Variants in SGCZ observed in about 807,000 individuals in gnomAD.
SGCZ encodes zeta-sarcoglycan.
SGCZ carries 40 observed loss-of-function variants against 41.3 expected under a neutral mutation model. That is an observed-to-expected ratio of 0.97 (90% confidence interval 0.75 to 1.26). SGCZ has a LOEUF of 1.26. SGCZ is among the 50% of genes most tolerant of loss of function. SGCZ has a pLI of 0.00. For missense variants in SGCZ, 552 were observed against 369.8 expected (o/e 1.49, Z -4.04); for synonymous variants, 206 against 137.5 (o/e 1.50, Z -3.49).
chr8:15,118,608 G>T (rs766366944), intron 1 of SGCZ, among the ~76,000 whole-genome samples: 1 of 152,038 alleles, frequency 6.6e-6, no homozygotes, highest in Non-Finnish European at 1.5e-5. Flanking sequence ...TAGTTCAAAG[G>T]GTCTCTTTTC....
At chr8:15,117,119 C>T (rs1468773604) in intron 1 of SGCZ, among the ~76,000 whole-genome samples, 1 of 152,146 alleles carries the variant, frequency 6.6e-6, no homozygotes, top group Non-Finnish European at 1.5e-5. Flanking sequence ...TGCCTGTAAT[C>T]CCAGCATTTT....
intron 1 of SGCZ, among the ~76,000 whole-genome samples, chr8:14,753,024 T>A (rs528828576): frequency 2.0e-5 from 3 of 152,012 alleles, no homozygotes; most frequent in South Asian, 4.1e-4. Context: ...CTCTCCGTAC[T>A]GTAATTTTCA....
Position 14,745,993 on chromosome 8 carries a change from T to A in SGCZ, c.40-191067A>T, listed in dbSNP as rs547552216. On this transcript the variant is annotated intron_variant, in intron 1 of 7. Transcript: ENST00000382080. Reference sequence around the variant, plus strand: ...AGTTGTAAGTTACAGATAAGTGCAATAACAATTATTATTCTCTTGTTTTCT... The same window carrying A: ...AGTTGTAAGTTACAGATAAGTGCAAAAACAATTATTATTCTCTTGTTTTCT... Among the ~76,000 whole-genome samples, 7 of 152,184 alleles carry A rather than the reference T, an allele frequency of 4.6e-5. No individual in the cohort carries two copies. The East Asian group carries it at 1.2e-3, about 25-fold the overall frequency.
intron 1 of SGCZ, among the ~76,000 whole-genome samples, chr8:14,683,371 A>C (rs1159241469): frequency 2.6e-5 from 4 of 152,178 alleles, no homozygotes. Flanking sequence ...AACTACAAAA[A>C]CATTCAGAAG....
At chr8:14,624,040 T>A (rs889060731) in intron 1 of SGCZ, among the ~76,000 whole-genome samples, 2 of 152,180 alleles carry the variant, frequency 1.3e-5, no homozygotes, top group Non-Finnish European at 2.9e-5. Context: ...TAAAACACAC[T>A]TTTATTTGCA....
chr8:14,646,243 A>G lies in SGCZ; in HGVS notation c.40-91317T>C, dbSNP rs183096349. Among the ~76,000 whole-genome samples the G allele has an allele frequency of 3.2e-3, 480 of 151,914 alleles. 1 individual carries two copies. Among genetic ancestry groups the G allele is most frequent in the African/African-American group, 0.01 (430 of 41,474 alleles). On this transcript the variant is annotated intron_variant, in intron 1 of 7. Transcript: ENST00000382080. ...GTAGTTGCCAGTATCTACTGTTGCC[A>G]TCTTTATGTCCATGAGCACACAATG... is the stretch of plus-strand genomic sequence containing the variant.
At chr8:15,170,637 T>C (rs1433215830) in intron 1 of SGCZ, among the ~76,000 whole-genome samples, 6 of 152,200 alleles carry the variant, frequency 3.9e-5, no homozygotes, top group Admixed American at 1.3e-4. Context: ...TTTTGTTTTG[T>C]TTTTTTAAAC....
At chr8:14,191,702 A>G (rs1426898740) in intron 4 of SGCZ, among the ~76,000 whole-genome samples, 1 of 152,184 alleles carries the variant, frequency 6.6e-6, no homozygotes, top group African/African-American at 2.4e-5. Flanking sequence ...GAGAATGGTA[A>G]AAATCGTAAA....
intron 5 of SGCZ, among the ~76,000 whole-genome samples, chr8:14,157,301 A>G (rs1803904189): frequency 1.3e-5 from 2 of 148,262 alleles, no homozygotes; most frequent in African/African-American, 2.5e-5. Flanking sequence ...TATATTTAAT[A>G]TACAATATTA....
chr8:15,094,100 G>A (rs1031448846), intron 1 of SGCZ, among the ~76,000 whole-genome samples: 2 of 151,926 alleles, frequency 1.3e-5, no homozygotes, highest in African/African-American at 4.8e-5. Context: ...GGGATGGAGA[G>A]TGATACGGCA....
chr8:14,100,542 A>G (rs1801983683), intron 7 of SGCZ, among the ~76,000 whole-genome samples: 1 of 107,120 alleles, frequency 9.3e-6, no homozygotes. Flanking sequence ...TCAAAATATT[A>G]TACATTAGAT....
chr8:14,967,407 C>G (rs116878430), intron 1 of SGCZ, among the ~76,000 whole-genome samples: 3 of 152,106 alleles, frequency 2.0e-5, no homozygotes, highest in Non-Finnish European at 4.4e-5. Context: ...CATCTTCATG[C>G]TCACTCTACT....
At chr8:14,890,833 A>C (rs1235143313) in intron 1 of SGCZ, among the ~76,000 whole-genome samples, 2 of 152,200 alleles carry the variant, frequency 1.3e-5, no homozygotes, top group Non-Finnish European at 1.5e-5. Context: ...GATTACTTTA[A>C]GTTTTAGGCA....
At chr8:15,203,628 T>C (rs780136519) in intron 1 of SGCZ, among the ~76,000 whole-genome samples, 1 of 152,176 alleles carries the variant, frequency 6.6e-6, no homozygotes, top group African/African-American at 2.4e-5. Flanking sequence ...ATATATCACA[T>C]GGTTATTATA....
intron 1 of SGCZ, among the ~76,000 whole-genome samples, chr8:15,081,546 G>A (rs979934337): frequency 2.0e-5 from 3 of 149,084 alleles, no homozygotes; most frequent in Non-Finnish European, 4.4e-5. Flanking sequence ...ATAAAGAGGT[G>A]AAAAAGAAGG....
chr8:14,564,177 C>G (rs1423724708), intron 1 of SGCZ, among the ~76,000 whole-genome samples: 1 of 152,184 alleles, frequency 6.6e-6, no homozygotes, highest in Non-Finnish European at 1.5e-5. Context: ...ATTTGGCGTG[C>G]TGAAATAGCA....
intron 1 of SGCZ, among the ~76,000 whole-genome samples, chr8:14,966,666 C>G (rs1403163326): frequency 6.6e-6 from 1 of 151,932 alleles, no homozygotes. Flanking sequence ...ACCAGATTAA[C>G]AACAAAAAAG....
chr8:14,711,588 T>G (rs1348687140), intron 1 of SGCZ, among the ~76,000 whole-genome samples: 4 of 105,960 alleles, frequency 3.8e-5, no homozygotes, highest in Admixed American at 2.8e-4. Context: ...GGAGACAGAG[T>G]GAGACTCTGT....
intron 1 of SGCZ, among the ~76,000 whole-genome samples, chr8:15,186,093 T>C (rs971965881): frequency 1.8e-4 from 18 of 98,804 alleles, no homozygotes; most frequent in Non-Finnish European, 3.3e-4. Flanking sequence ...AAAAAATAAA[T>C]AAAAAAATAA....
Sources: gnomAD v4.1 joint callset for allele counts (sites outside exome capture counted in the v4.1 genomes callset) on GRCh38, gnomAD v4.1.1 for gene constraint, MANE v1.5 for transcripts, NCBI Gene and HGNC (gene_info 2026-07-23, HGNC 2026-07-21) for gene names.